The following MAGI2 variants were observed in gnomAD, a reference collection of about 807,000 sequenced individuals.
The protein encoded by MAGI2 is membrane associated guanylate kinase, WW and PDZ domain containing 2, also known as membrane-associated guanylate kinase, WW and PDZ domain-containing protein 2.
MAGI2 carries 35 observed loss-of-function variants against 133.3 expected under a neutral mutation model. The observed-to-expected ratio is 0.26, with a 90% CI of 0.20 to 0.35. The LOEUF (loss-of-function observed/expected upper bound fraction) is 0.35. MAGI2 is among the 10% of genes least tolerant of loss of function. The pLI is 1.00. For missense variants in MAGI2, 1,636 were observed against 1,863.4 expected, an observed-to-expected ratio of 0.88 and a Z score of 2.25; for synonymous variants, 729 against 710.6, an observed-to-expected ratio of 1.03 and a Z score of -0.41.
At chr7:78,325,472 T>A (rs1310749007) in intron 9 of MAGI2, among the ~76,000 whole-genome samples, 1 of 152,180 alleles carries the variant, frequency 6.6e-6, no homozygotes, top group East Asian at 1.9e-4. Flanking sequence ...ACTATCATAG[T>A]CTTCCCTAGT....
intron 3 of MAGI2, among the ~76,000 whole-genome samples, chr7:78,522,934 C>A (rs562247487): frequency 1.3e-5 from 2 of 152,118 alleles, no homozygotes. Context: ...CAATAAAATC[C>A]TTGTCTTCCA....
At chr7:78,820,900 T>G (rs1331191432) in intron 2 of MAGI2, among the ~76,000 whole-genome samples, 2 of 151,982 alleles carry the variant, frequency 1.3e-5, no homozygotes, top group African/African-American at 4.8e-5. Context: ...CTTCAAAATT[T>G]TTTTCTAAGA....
intron 1 of MAGI2, among the ~76,000 whole-genome samples, chr7:79,132,431 T>C (rs1359362437): frequency 6.6e-6 from 1 of 152,162 alleles, no homozygotes; most frequent in East Asian, 1.9e-4. Flanking sequence ...CTTAGAATAA[T>C]GGCCTCCAGA....
intron 1 of MAGI2, among the ~76,000 whole-genome samples, chr7:79,141,673 C>T (rs950092081): frequency 5.3e-5 from 8 of 152,144 alleles, no homozygotes; most frequent in African/African-American, 1.9e-4. Flanking sequence ...CCCAAAACGT[C>T]AATTCCAGAC....
chr7:79,008,561 T>G (rs1807711067), intron 1 of MAGI2, among the ~76,000 whole-genome samples: 1 of 152,176 alleles, frequency 6.6e-6, no homozygotes, highest in Non-Finnish European at 1.5e-5. Flanking sequence ...TAATCTATTT[T>G]TCCACCCAAT....
At chr7:79,171,770 AT>A (rs144599296) in intron 1 of MAGI2, among the ~76,000 whole-genome samples, 899 of 31,166 alleles carry the variant, frequency 0.029, 18 homozygotes, top group African/African-American at 0.052. Flanking sequence ...ATATATATAT[AT>A]TTTTTTTTTT....
At chr7:78,262,975 G>A (rs562286151) in intron 9 of MAGI2, among the ~76,000 whole-genome samples, 6 of 152,064 alleles carry the variant, frequency 3.9e-5, no homozygotes, top group South Asian at 2.1e-4. Flanking sequence ...CCTTACTCCC[G>A]TCTCTCCCTC....
intron 1 of MAGI2, among the ~76,000 whole-genome samples, chr7:79,057,595 G>A (rs1813267649): frequency 6.6e-6 from 1 of 152,138 alleles, no homozygotes; most frequent in South Asian, 2.1e-4. Flanking sequence ...ACTTCTCTCA[G>A]CCCTTCTTTA....
chr7:79,304,954 A>G (rs182949093), intron 1 of MAGI2, among the ~76,000 whole-genome samples: 11 of 152,308 alleles, frequency 7.2e-5, no homozygotes, highest in African/African-American at 2.4e-4. Flanking sequence ...CTAGTGCATG[A>G]TCAGACTCTA....
chr7:78,898,781 G>A (rs1213047715), intron 2 of MAGI2, among the ~76,000 whole-genome samples: 2 of 152,056 alleles, frequency 1.3e-5, no homozygotes, highest in East Asian at 1.9e-4. Flanking sequence ...TACCAAACCT[G>A]CACATGTACC....
intron 6 of MAGI2, among the ~76,000 whole-genome samples, chr7:78,416,828 T>C (rs1798349121): frequency 1.3e-5 from 2 of 152,260 alleles, no homozygotes; most frequent in Admixed American, 1.3e-4. Context: ...TTCCCCTTTA[T>C]GCCAGGTGAG....
rs191892146 is a variant in MAGI2 at position 78,634,711 on chromosome 7, C to T, written c.419-7472G>A. On this transcript the variant is annotated intron_variant, in intron 2 of 21. Coordinates refer to ENST00000354212, the MANE Select transcript of MAGI2 (RefSeq NM_012301.4). ...TCAAAAGATGATGAATAGTTGACAG[C>T]AAAGCAAGACTCAACAGTAATAACA... 1.8e-3 allele frequency among the ~76,000 whole-genome samples: 270 copies of T among 152,094 alleles called. 1 individual carries two copies. The highest frequency in any genetic ancestry group is 3.4e-3 in the Middle Eastern group (1 of 294).
intron 20 of MAGI2, among the ~76,000 whole-genome samples, chr7:78,114,031 G>A (rs905235941): frequency 6.6e-6 from 1 of 152,198 alleles, no homozygotes; most frequent in African/African-American, 2.4e-5. Context: ...GAGCAGCTGT[G>A]AGCCCCTGAC....
chr7:78,807,347 A>C (rs1302028681), intron 2 of MAGI2, among the ~76,000 whole-genome samples: 1 of 152,194 alleles, frequency 6.6e-6, no homozygotes, highest in Non-Finnish European at 1.5e-5. Context: ...TATTTTATGA[A>C]AATTTAAAAA....
chr7:79,021,561 G>A (rs6962523), intron 1 of MAGI2, among the ~76,000 whole-genome samples: 89,173 of 152,070 alleles, frequency 0.59, 26,487 homozygotes, highest in East Asian at 0.63. Context: ...GCATGGGGCC[G>A]GTAGCCCTTG....
intron 20 of MAGI2, among the ~76,000 whole-genome samples, chr7:78,118,669 C>T (rs1467090789): frequency 6.6e-6 from 1 of 152,166 alleles, no homozygotes; most frequent in African/African-American, 2.4e-5. Context: ...GCATGCCTAT[C>T]AGAATGGCCC....
chr7:78,671,742 C>A (rs765415571), intron 2 of MAGI2, among the ~76,000 whole-genome samples: 2 of 152,072 alleles, frequency 1.3e-5, no homozygotes, highest in Non-Finnish European at 2.9e-5. Flanking sequence ...AGTCTAAATG[C>A]CCTCTTTAAA....
At chr7:78,495,246 A>G (rs564921436) in intron 5 of MAGI2, among the ~76,000 whole-genome samples, 31 of 152,154 alleles carry the variant, frequency 2.0e-4, no homozygotes, top group Middle Eastern at 6.8e-3. Flanking sequence ...ATTTTTCCCA[A>G]TGCTATCCCT....
At chr7:78,641,372 T>C (rs1005749570) in intron 2 of MAGI2, among the ~76,000 whole-genome samples, 19 of 152,228 alleles carry the variant, frequency 1.2e-4, no homozygotes, top group African/African-American at 4.6e-4. Flanking sequence ...TAGGCTTTGC[T>C]GGCCATACTG....
Sources: gnomAD v4.1 joint callset for allele counts (sites outside exome capture counted in the v4.1 genomes callset) on GRCh38, gnomAD v4.1.1 for gene constraint, MANE v1.5 for transcripts, NCBI Gene and HGNC (gene_info 2026-07-23, HGNC 2026-07-21) for gene names.